CCDC3: variants seen among roughly 807,000 people sequenced by gnomAD.
The protein encoded by CCDC3 is coiled-coil domain-containing protein 3.
A neutral mutation model predicts 21.4 loss-of-function variants in CCDC3; 24 were observed. That is an observed-to-expected ratio of 1.12 (90% CI 0.81 to 1.58). The LOEUF (loss-of-function observed/expected upper bound fraction) is 1.58, where lower values mean the gene tolerates loss of function less well. CCDC3 is among the 40% of genes most tolerant of loss of function. The probability of loss-of-function intolerance (pLI) is 0.00; values close to 1 mark genes in which losing one functional copy is unlikely to be tolerated. For missense variants in CCDC3, 425 were observed against 360.9 expected (o/e 1.18, Z -1.44); for synonymous variants, 186 against 166.0 (o/e 1.12, Z -0.93).
rs574100156 is a variant in CCDC3 at position 12,984,984 on chromosome 10, G to A, written c.549+13354C>T. ...ATGTTCTGAAGTTAAAAGTGGTGACGGTTACACATATATGTGGATATACTG... is the reference window on the plus strand; with the variant it reads ...ATGTTCTGAAGTTAAAAGTGGTGACAGTTACACATATATGTGGATATACTG... On this transcript the variant is annotated intron_variant, in intron 2 of 2. Coordinates refer to ENST00000378825, the MANE Select transcript of CCDC3 (RefSeq NM_031455.4). Among the ~76,000 whole-genome samples the A allele has an allele frequency of 3.2e-4, 49 of 152,222 alleles. 1 individual carries two copies. In the South Asian group the frequency reaches 7.9e-3, roughly 24 times the overall value.
chr10:12,937,738 A>G (rs1834763531), intron 2 of CCDC3, among the ~76,000 whole-genome samples: 1 of 152,252 alleles, frequency 6.6e-6, no homozygotes, highest in Non-Finnish European at 1.5e-5. Context: ...GCTTGCAGGC[A>G]TGGCTAAGAG....
intron 2 of CCDC3, among the ~76,000 whole-genome samples, chr10:12,906,185 C>T (rs1039698682): frequency 6.6e-6 from 1 of 152,194 alleles, no homozygotes; most frequent in African/African-American, 2.4e-5. Flanking sequence ...AAAAAACTCC[C>T]AAAGCTGGGA....
Position 12,982,198 on chromosome 10 carries a change from A to T in CCDC3, c.549+16140T>A, listed in dbSNP as rs115341072. Among the ~76,000 whole-genome samples, 195 of 150,586 alleles carry T rather than the reference A, an allele frequency of 1.3e-3. 1 individual carries two copies. The highest frequency in any genetic ancestry group is 4.6e-3 in the African/African-American group (190 of 41,066). ...TCAAAAGCCATGGTCACACGCTGCA[A>T]CGTGGAGGACCTTGAGGACATTAAG... On this transcript the variant is annotated intron_variant, in intron 2 of 2. Transcript: ENST00000378825.
chr10:13,019,374 G>A (rs915848051), intron 5 of CCDC3, among the ~76,000 whole-genome samples: 1 of 152,132 alleles, frequency 6.6e-6, no homozygotes, highest in Admixed American at 6.5e-5. Context: ...CCCTTTTTTA[G>A]CATCAGGAAA....
chr10:13,052,483 A>G (rs1836620140), intron 4 of CCDC3, among the ~76,000 whole-genome samples: 1 of 152,200 alleles, frequency 6.6e-6, no homozygotes, highest in Admixed American at 6.5e-5. Context: ...TTCAGTTATA[A>G]CTTATTCATA....
intron 2 of CCDC3, among the ~76,000 whole-genome samples, chr10:12,972,697 A>G (rs1204347037): frequency 6.6e-6 from 1 of 151,926 alleles, no homozygotes; most frequent in Non-Finnish European, 1.5e-5. Flanking sequence ...GGTACCTGTA[A>G]CCCCAGCTAC....
intron 2 of CCDC3, among the ~76,000 whole-genome samples, chr10:12,995,168 G>C (rs1193779071): frequency 6.6e-6 from 1 of 151,886 alleles, no homozygotes; most frequent in Non-Finnish European, 1.5e-5. Flanking sequence ...ATATCTTAGG[G>C]AGCATCAGAA....
At chr10:12,940,554 G>C (rs1834812336) in intron 2 of CCDC3, among the ~76,000 whole-genome samples, 1 of 152,138 alleles carries the variant, frequency 6.6e-6, no homozygotes, top group African/African-American at 2.4e-5. Context: ...ACCCAAGTTT[G>C]AATCTTAACC....
At chr10:13,091,130 G>A (rs1832560921) in intron 3 of CCDC3, among the ~76,000 whole-genome samples, 1 of 152,130 alleles carries the variant, frequency 6.6e-6, no homozygotes, top group South Asian at 2.1e-4. Flanking sequence ...AGCCTCACTG[G>A]CAACCAACTG....
At chr10:12,995,091 A>T (rs1252219849) in intron 2 of CCDC3, among the ~76,000 whole-genome samples, 1 of 152,078 alleles carries the variant, frequency 6.6e-6, no homozygotes, top group African/African-American at 2.4e-5. Flanking sequence ...CAAAAGAAAA[A>T]AAAAAAAAAG....
chr10:12,995,522 G>A (rs978272991), intron 2 of CCDC3, among the ~76,000 whole-genome samples: 3 of 152,218 alleles, frequency 2.0e-5, no homozygotes, highest in South Asian at 2.1e-4. Flanking sequence ...GAATACAGGC[G>A]TGAGCCACTG....
intron 2 of CCDC3, among the ~76,000 whole-genome samples, chr10:12,927,000 G>C (rs537467624): frequency 6.6e-6 from 1 of 152,196 alleles, no homozygotes; most frequent in East Asian, 1.9e-4. Context: ...GGAAAAAAAG[G>C]GATGTTAACA....
intron 4 of CCDC3, among the ~76,000 whole-genome samples, chr10:13,067,153 C>A (rs1445497535): frequency 6.6e-6 from 1 of 152,220 alleles, no homozygotes; most frequent in African/African-American, 2.4e-5. Flanking sequence ...GCTGCAGGCA[C>A]CTGCGAGATA....
At chr10:12,927,682 C>G (rs986108841) in intron 2 of CCDC3, among the ~76,000 whole-genome samples, 1 of 152,132 alleles carries the variant, frequency 6.6e-6, no homozygotes, top group Non-Finnish European at 1.5e-5. Context: ...GGAGTGAATT[C>G]TCTAATACAC....
chr10:13,012,957 C>T (rs976017498), intron 5 of CCDC3, among the ~76,000 whole-genome samples: 2 of 151,650 alleles, frequency 1.3e-5, no homozygotes, highest in South Asian at 2.1e-4. Flanking sequence ...CTATTGCTGC[C>T]GAAAAAATAA....
intron 5 of CCDC3, among the ~76,000 whole-genome samples, chr10:13,018,764 C>G (rs1354123252): frequency 6.6e-6 from 1 of 151,448 alleles, no homozygotes; most frequent in South Asian, 2.1e-4. Context: ...AACCCCGTCT[C>G]TACTAAAAAT....
chr10:13,063,919 T>G (rs560716375), intron 4 of CCDC3, among the ~76,000 whole-genome samples: 18 of 152,132 alleles, frequency 1.2e-4, no homozygotes, highest in South Asian at 4.2e-4. Flanking sequence ...GTCGTTTTTT[T>G]TTGTTGTTGT....
intron 2 of CCDC3, among the ~76,000 whole-genome samples, chr10:12,916,736 T>C (rs1834364249): frequency 6.6e-6 from 1 of 152,144 alleles, no homozygotes; most frequent in Non-Finnish European, 1.5e-5. Flanking sequence ...GAACCGGAAG[T>C]AAGCCTGAAG....
At chr10:13,045,704 A>G (rs1020548416) in intron 5 of CCDC3, among the ~76,000 whole-genome samples, 1 of 152,200 alleles carries the variant, frequency 6.6e-6, no homozygotes, top group African/African-American at 2.4e-5. Flanking sequence ...ACTTCTTACT[A>G]AAATAGGCAG....
Sources: allele counts gnomAD v4.1 joint callset (sites outside exome capture counted in the v4.1 genomes callset), GRCh38; gene constraint gnomAD v4.1.1; transcripts MANE v1.5; gene names NCBI Gene and HGNC (gene_info 2026-07-23, HGNC 2026-07-21).